SHB: variants seen among roughly 807,000 people sequenced by gnomAD.
SHB encodes SH2 domain-containing adapter protein B.
In SHB, 20 loss-of-function variants were observed where a neutral mutation model predicts 52.3. The ratio of observed to expected loss-of-function variants is 0.38; its 90% confidence interval spans 0.27 to 0.56. The LOEUF is 0.56. Among genes scored for constraint, SHB ranks in the 20% least tolerant of loss-of-function variants. The pLI is 0.71. For missense variants in SHB, 825 were observed against 723.3 expected (o/e 1.14, Z -1.61); for synonymous variants, 397 against 316.5 (o/e 1.25, Z -2.70).
chr9:37,985,173 A>G lies in SHB; in HGVS notation c.839-10336T>C, dbSNP rs538644934. Among the ~76,000 whole-genome samples, 224 of 152,332 alleles carry G rather than the reference A, an allele frequency of 1.5e-3. 1 individual carries two copies. Among genetic ancestry groups the G allele is most frequent in the African/African-American group, 5.0e-3 (207 of 41,584 alleles). ...TCACCTTAGGAGCAGAGCAGGGCCT[A>G]TGGCTGCCTGGCTGAACCTGTACTG... On this transcript the variant is annotated intron_variant, in intron 2 of 5. Transcript: ENST00000377707.
At chr9:37,985,504 G>A (rs1318837286) in intron 2 of SHB, among the ~76,000 whole-genome samples, 4 of 152,264 alleles carry the variant, frequency 2.6e-5, no homozygotes, top group African/African-American at 2.4e-5. Flanking sequence ...CCTCTAAGCC[G>A]CTGCAGGCCT....
At chr9:37,952,122 C>T (rs1000434209) in intron 4 of SHB, among the ~76,000 whole-genome samples, 3 of 152,210 alleles carry the variant, frequency 2.0e-5, no homozygotes, top group South Asian at 2.1e-4. Flanking sequence ...CTTGATCTCA[C>T]GGGGCTGATG....
At chr9:37,934,031 C>G (rs1344408923) in intron 5 of SHB, among the ~76,000 whole-genome samples, 1 of 152,248 alleles carries the variant, frequency 6.6e-6, no homozygotes, top group Non-Finnish European at 1.5e-5. Flanking sequence ...CCATCTCTCA[C>G]ACAGCGGGAG....
chr9:37,956,628 GC>G (rs1449883603), intron 3 of SHB, among the ~76,000 whole-genome samples: 2 of 152,204 alleles, frequency 1.3e-5, no homozygotes, highest in Non-Finnish European at 2.9e-5. Context: ...CACAGGAAGG[GC>G]CATTCCACAT....
chr9:37,980,862 C>T (rs1820715778), intron 2 of SHB, among the ~76,000 whole-genome samples: 1 of 151,788 alleles, frequency 6.6e-6, no homozygotes, highest in African/African-American at 2.4e-5. Flanking sequence ...AGAACAGTGT[C>T]AATCAGCAGT....
chr9:37,962,613 C>T (rs1323256130), intron 3 of SHB, among the ~76,000 whole-genome samples: 1 of 151,832 alleles, frequency 6.6e-6, no homozygotes, highest in East Asian at 1.9e-4. Context: ...CTCAAGCCAT[C>T]CTCCTACCTC....
At chr9:37,969,502 T>C (rs1820568197) in intron 3 of SHB, among the ~76,000 whole-genome samples, 1 of 152,206 alleles carries the variant, frequency 6.6e-6, no homozygotes, top group Non-Finnish European at 1.5e-5. Context: ...AAGACCCTTC[T>C]GAAGTGGGAA....
At chr9:38,006,338 T>C (rs963745823) in intron 2 of SHB, among the ~76,000 whole-genome samples, 5 of 152,188 alleles carry the variant, frequency 3.3e-5, no homozygotes, top group Non-Finnish European at 7.3e-5. Context: ...CCTAAATGAC[T>C]TCCTAATCGT....
intron 5 of SHB, among the ~76,000 whole-genome samples, chr9:37,945,089 T>C (rs1182028202): frequency 2.0e-5 from 3 of 152,164 alleles, no homozygotes; most frequent in Non-Finnish European, 2.9e-5. Context: ...CCTCTGAGGC[T>C]GAACTCCCCC....
chr9:37,944,424 C>T (rs1182800995), intron 5 of SHB, among the ~76,000 whole-genome samples: 1 of 152,130 alleles, frequency 6.6e-6, no homozygotes, highest in Non-Finnish European at 1.5e-5. Context: ...TTCCCCACCC[C>T]CATGAGGCAA....
At chr9:38,038,697 C>G (rs183543658) in intron 1 of SHB, among the ~76,000 whole-genome samples, 198 of 152,332 alleles carry the variant, frequency 1.3e-3, no homozygotes, top group African/African-American at 4.4e-3. Flanking sequence ...CACAGGGATG[C>G]AGCCCACTCT....
chr9:38,014,202 T>C (rs1821180991), intron 2 of SHB, among the ~76,000 whole-genome samples: 1 of 148,524 alleles, frequency 6.7e-6, no homozygotes, highest in Non-Finnish European at 1.5e-5. Context: ...GGCTGTTAGG[T>C]TTAGATGACC....
intron 5 of SHB, among the ~76,000 whole-genome samples, chr9:37,944,235 AC>A (rs1180860332): frequency 2.0e-5 from 3 of 152,170 alleles, no homozygotes; most frequent in African/African-American, 7.2e-5. Flanking sequence ...TGCAGGCGCC[AC>A]TGTGGGTCAC....
intron 2 of SHB, 26 bp from the exon 3 acceptor site, chr9:37,974,863 A>C (rs765066841): frequency 1.3e-6 from 2 of 1,577,596 alleles, no homozygotes; most frequent in South Asian, 2.2e-5. Flanking sequence ...AAGGAAGCAG[A>C]GATGAAATGG....
chr9:38,067,983 G>C lies in SHB; in HGVS notation c.663C>G (p.Leu221=). The change falls in exon 1 of 6, where the codon CTC becomes CTG. Residue 221 remains leucine (L), a synonymous_variant. Transcript: ENST00000377707. ...SPTACGGKKL[L]NKCAASAAEE... Reference sequence around the variant, plus strand: ...CCGCGGCTGAGGCGGCGCACTTGTTGAGCAGTTTCTTGCCTCCGCAGGCCG... The same window carrying C: ...CCGCGGCTGAGGCGGCGCACTTGTTCAGCAGTTTCTTGCCTCCGCAGGCCG... 1 of 1,551,432 alleles carries C rather than the reference G, an allele frequency of 6.4e-7. No individual in the cohort carries two copies. The highest frequency in any genetic ancestry group is 8.6e-7 in the Non-Finnish European group (1 of 1,158,348).
At chr9:38,031,610 T>C (rs1821414280) in intron 1 of SHB, among the ~76,000 whole-genome samples, 1 of 152,208 alleles carries the variant, frequency 6.6e-6, no homozygotes, top group African/African-American at 2.4e-5. Flanking sequence ...TTAAGAGCAC[T>C]GACTTTTCCA....
chr9:38,006,104 C>T (rs994841367), intron 2 of SHB, among the ~76,000 whole-genome samples: 9 of 152,212 alleles, frequency 5.9e-5, no homozygotes, highest in Admixed American at 5.9e-4. Flanking sequence ...CTTTCCCATC[C>T]TCCCACTAAC....
intron 5 of SHB, among the ~76,000 whole-genome samples, chr9:37,941,783 C>T (rs1465828143): frequency 6.6e-6 from 1 of 152,142 alleles, no homozygotes; most frequent in African/African-American, 2.4e-5. Context: ...CAGGGACCAC[C>T]CTGGTGGCTC....
chr9:38,043,902 A>AC (rs1564109247), intron 1 of SHB, among the ~76,000 whole-genome samples: 1 of 152,100 alleles, frequency 6.6e-6, no homozygotes, highest in Non-Finnish European at 1.5e-5. Context: ...AAAAAAAAAA[A>AC]AATTAAGAAA....
Sources: allele counts gnomAD v4.1 joint callset (sites outside exome capture counted in the v4.1 genomes callset), GRCh38; gene constraint gnomAD v4.1.1; transcripts MANE v1.5; gene names NCBI Gene and HGNC (gene_info 2026-07-23, HGNC 2026-07-21).